PALM2AKAP2: variants seen among roughly 807,000 people sequenced by gnomAD.
The protein encoded by PALM2AKAP2 is PALM2 and AKAP2 fusion, also known as PALM2-AKAP2 fusion protein.
PALM2AKAP2 carries 37 observed loss-of-function variants against 71.5 expected under a neutral mutation model. The ratio of observed to expected loss-of-function variants is 0.52; its 90% CI spans 0.40 to 0.68. PALM2AKAP2 has a LOEUF of 0.68. Ranked by LOEUF, PALM2AKAP2 falls within the 30% of genes least tolerant of loss-of-function variation. The pLI, the probability that PALM2AKAP2 is intolerant of heterozygous loss-of-function variation, is 0.00. For missense variants in PALM2AKAP2, 1,224 were observed against 1,191.8 expected (o/e 1.03, Z -0.40); for synonymous variants, 468 against 478.8 (o/e 0.98, Z 0.29).
intron 1 of PALM2AKAP2, among the ~76,000 whole-genome samples, chr9:110,118,679 G>A (rs1162348101): frequency 6.6e-6 from 1 of 152,070 alleles, no homozygotes; most frequent in Non-Finnish European, 1.5e-5. Context: ...TTTTTCAGAA[G>A]TTAATATATG....
chr9:110,046,109 C>T (rs549598035), upstream of PALM2AKAP2, among the ~76,000 whole-genome samples: 1 of 152,170 alleles, frequency 6.6e-6, no homozygotes, highest in East Asian at 1.9e-4. Flanking sequence ...AACCACTGGC[C>T]TAGGAGAAAA....
chr9:110,171,038 T>TATA (rs1836847459), exon 4 of PALM2AKAP2: 1 of 152,240 alleles, frequency 6.6e-6, no homozygotes, highest in African/African-American at 2.4e-5. Context: ...ACCATAGACA[T>TATA]GATATAGACT....
chr9:110,052,498 G>A (rs1254227134), intron 1 of PALM2AKAP2, among the ~76,000 whole-genome samples: 11 of 152,096 alleles, frequency 7.2e-5, no homozygotes. Context: ...ATATATTATA[G>A]GAAAGTTAAA....
At chr9:109,652,894 A>G (rs998410748) in intron 1 of PALM2AKAP2, among the ~76,000 whole-genome samples, 1 of 152,228 alleles carries the variant, frequency 6.6e-6, no homozygotes, top group African/African-American at 2.4e-5. Flanking sequence ...GCCTTGGGGC[A>G]GGAGCCTAAA....
intron 1 of PALM2AKAP2, among the ~76,000 whole-genome samples, chr9:109,814,624 A>G (rs1827806777): frequency 6.6e-6 from 1 of 152,154 alleles, no homozygotes; most frequent in South Asian, 2.1e-4. Flanking sequence ...AGTACGGAGG[A>G]TTTAGAAGGT....
chr9:109,912,639 G>T (rs1830594666), intron 3 of PALM2AKAP2, among the ~76,000 whole-genome samples: 2 of 152,288 alleles, frequency 1.3e-5, no homozygotes, highest in African/African-American at 4.8e-5. Context: ...GTTCTACCTA[G>T]AATATTGAAA....
chr9:110,000,155 TC>T (rs1832655958), intron 6 of PALM2AKAP2, among the ~76,000 whole-genome samples: 1 of 122,902 alleles, frequency 8.1e-6, no homozygotes, highest in Non-Finnish European at 1.7e-5. Context: ...ATGCTATCCC[TC>T]CCCCCTCCCC....
At chr9:109,965,063 T>C (rs1831920853) in intron 6 of PALM2AKAP2, among the ~76,000 whole-genome samples, 1 of 152,214 alleles carries the variant, frequency 6.6e-6, no homozygotes. Context: ...TCATCTCTTC[T>C]AGAAAATAAA....
chr9:109,883,128 A>C (rs1465852454), intron 3 of PALM2AKAP2, among the ~76,000 whole-genome samples: 1 of 152,196 alleles, frequency 6.6e-6, no homozygotes, highest in African/African-American at 2.4e-5. Context: ...TTTCTGGGTA[A>C]ATTGACCATT....
chr9:109,661,036 T>G (rs1587857693), intron 1 of PALM2AKAP2, among the ~76,000 whole-genome samples: 1 of 152,242 alleles, frequency 6.6e-6, no homozygotes, highest in Non-Finnish European at 1.5e-5. Flanking sequence ...TAAACTTGTT[T>G]GAGTTCTTTG....
At chr9:110,136,174 AGACAAC>A (rs1835860268) in exon 2 of PALM2AKAP2, 1 of 1,606,572 alleles carries the variant, frequency 6.2e-7, no homozygotes, top group South Asian at 1.1e-5. Flanking sequence ...AAAGCGAGGG[AGACAAC>A]TATAGTGCCA....
chr9:110,137,929 C>A (rs1437387938), exon 2 of PALM2AKAP2: 1 of 1,614,170 alleles, frequency 6.2e-7, no homozygotes. Flanking sequence ...TGGTTGATGA[C>A]CCCTTGGAGT....
chr9:110,131,697 G>A (rs1835738812), intron 1 of PALM2AKAP2, among the ~76,000 whole-genome samples: 1 of 152,186 alleles, frequency 6.6e-6, no homozygotes, highest in Non-Finnish European at 1.5e-5. Flanking sequence ...TCAGGAATTC[G>A]CTCTTTTGTT....
chr9:109,894,831 G>T (rs1360416186), intron 3 of PALM2AKAP2, among the ~76,000 whole-genome samples: 1 of 152,084 alleles, frequency 6.6e-6, no homozygotes. Context: ...GCCCAGGCTG[G>T]TCTTGAACTC....
chr9:110,055,544 A>G (rs945889854), intron 1 of PALM2AKAP2, among the ~76,000 whole-genome samples: 3 of 152,172 alleles, frequency 2.0e-5, no homozygotes, highest in Non-Finnish European at 4.4e-5. Flanking sequence ...CCTATTCATT[A>G]GTGTTCTACG....
intron 1 of PALM2AKAP2, among the ~76,000 whole-genome samples, chr9:110,097,727 G>A (rs1834888216): frequency 6.9e-6 from 1 of 144,884 alleles, no homozygotes; most frequent in African/African-American, 2.8e-5. Flanking sequence ...TGGGCGGCCA[G>A]GCAGAGACGC....
intron 1 of PALM2AKAP2, among the ~76,000 whole-genome samples, chr9:109,682,651 T>G (rs779764135): frequency 9.7e-4 from 147 of 152,218 alleles, no homozygotes; most frequent in Admixed American, 1.8e-3. Flanking sequence ...GACCTTTTAT[T>G]TTTTTGGAGT....
chr9:109,834,901 A>G (rs755857427), intron 1 of PALM2AKAP2, among the ~76,000 whole-genome samples: 2 of 152,126 alleles, frequency 1.3e-5, no homozygotes, highest in Non-Finnish European at 2.9e-5. Flanking sequence ...CGCTCAATTC[A>G]TCCCTTTAAT....
At chr9:110,126,890 T>C (rs1473392398) in intron 1 of PALM2AKAP2, among the ~76,000 whole-genome samples, 1 of 152,170 alleles carries the variant, frequency 6.6e-6, no homozygotes, top group Non-Finnish European at 1.5e-5. Flanking sequence ...AAGAGGAGGA[T>C]TGTTCATAGG....
Sources: allele counts gnomAD v4.1 joint callset (sites outside exome capture counted in the v4.1 genomes callset), GRCh38; gene constraint gnomAD v4.1.1; transcripts MANE v1.5; gene names NCBI Gene and HGNC (gene_info 2026-07-23, HGNC 2026-07-21).